The following RPS3 variants were observed in gnomAD, a reference collection of about 807,000 sequenced individuals.
The protein encoded by RPS3 is small ribosomal subunit protein uS3.
Under a neutral mutation model 25.8 loss-of-function variants are expected in RPS3, and 2 were observed. That is an observed-to-expected ratio of 0.08 (90% CI 0.03 to 0.24). The LOEUF (loss-of-function observed/expected upper bound fraction) is 0.24. Ranked by LOEUF, RPS3 falls within the 10% of genes least tolerant of loss-of-function variation. The pLI is 1.00. For synonymous variants in RPS3, 114 were observed against 114.2 expected (o/e 1.00, Z 0.01); for missense variants, 107 against 307.1 (o/e 0.35, Z 4.87).
chr11:75,417,553 C>T (rs1336687627), intron 6 of RPS3, among the ~76,000 whole-genome samples: 4 of 152,186 alleles, frequency 2.6e-5, no homozygotes, highest in African/African-American at 7.2e-5. Context: ...GCCGAGATCG[C>T]GCCACTGCAT....
chr11:75,414,595 A>T (rs1047181458), intron 6 of RPS3, among the ~76,000 whole-genome samples: 1 of 143,596 alleles, frequency 7.0e-6, no homozygotes, highest in South Asian at 2.3e-4. Flanking sequence ...TGGGCGACAG[A>T]GCGAGACTCT....
At chr11:75,410,131 T>C (rs1199903661), downstream of RPS3, among the ~76,000 whole-genome samples, 8 of 79,820 alleles carry the variant, frequency 1.0e-4, no homozygotes, top group Admixed American at 2.6e-4. Context: ...ACCCCACACC[T>C]CCCTCCCGGA....
chr11:75,403,888 ATTC>A (rs1948245970), intron 4 of RPS3, 129 bp from the exon 5 acceptor site: 1 of 771,306 alleles, frequency 1.3e-6, no homozygotes, highest in Non-Finnish European at 2.1e-6. Context: ...GAGAATTGGT[ATTC>A]TTGGGGCCGG....
chr11:75,407,710 G>A (rs1354308136), downstream of RPS3, among the ~76,000 whole-genome samples: 2 of 150,930 alleles, frequency 1.3e-5, no homozygotes, highest in East Asian at 2.0e-4. Context: ...CTCGTGATCC[G>A]CCTGCCTCGG....
At chr11:75,402,033 G>A (rs1948216605) in intron 3 of RPS3, 1 of 548,574 alleles carries the variant, frequency 1.8e-6, no homozygotes, top group African/African-American at 1.9e-5. Flanking sequence ...TGCATTGTGT[G>A]TAGGTGGTAG....
In RPS3 at chr11:75,399,684, G is replaced by C. The variant is rs866356929; in HGVS notation, c.30+107G>C. ...AGCTCCGTGGCCTGCCCTGGAAGCG[G>C]CCTAGGCTTCCTGGCGTTCCTGCGG... On this transcript the variant is annotated intron_variant, in intron 1 of 6. Transcript: ENST00000531188. The C allele has an allele frequency of 8.5e-5, 85 of 995,666 alleles. 2 individuals are homozygous for C. In the Middle Eastern group the frequency reaches 2.0e-3, roughly 23 times the overall value. The allele number at this position is 995,666 out of a possible 1,614,324, so 61.7% of individuals were successfully genotyped here.
downstream of RPS3, among the ~76,000 whole-genome samples, chr11:75,410,232 C>T (rs1432814562): frequency 1.3e-4 from 20 of 150,490 alleles, no homozygotes; most frequent in Admixed American, 4.6e-4. Flanking sequence ...ACTTCCCAGA[C>T]GGGGTGGCTG....
At chr11:75,413,952 G>A (rs1005514909) in intron 6 of RPS3, among the ~76,000 whole-genome samples, 2 of 152,156 alleles carry the variant, frequency 1.3e-5, no homozygotes, top group Non-Finnish European at 2.9e-5. Flanking sequence ...ATCAGGGAAC[G>A]CAGCCAAGGT....
At chr11:75,418,133 G>A (rs1948414245) in intron 6 of RPS3, among the ~76,000 whole-genome samples, 1 of 152,238 alleles carries the variant, frequency 6.6e-6, no homozygotes, top group Admixed American at 6.5e-5. Flanking sequence ...CACAGCTGAA[G>A]CTTTGGCTCT....
At chr11:75,400,865 A>C (rs775768605) in intron 2 of RPS3, 41 bp downstream of exon 2, 1 of 1,587,610 alleles carries the variant, frequency 6.3e-7, no homozygotes, top group South Asian at 1.1e-5. Flanking sequence ...AATTGTTATA[A>C]ATGCTAAGTT....
At chr11:75,414,244 G>A (rs1003224380) in intron 6 of RPS3, among the ~76,000 whole-genome samples, 58 of 152,186 alleles carry the variant, frequency 3.8e-4, no homozygotes, top group African/African-American at 1.4e-3. Flanking sequence ...AATTGTCCTT[G>A]GAACCCACTG....
downstream of RPS3, among the ~76,000 whole-genome samples, chr11:75,407,979 TAATG>T (rs1393728268): frequency 2.0e-5 from 3 of 152,180 alleles, no homozygotes; most frequent in African/African-American, 7.2e-5. Context: ...GAAAGAAACT[TAATG>T]AATTGTGACA....
Position 75,412,891 on chromosome 11 carries a change from C to T in RPS3, c.*3+8023C>T, listed in dbSNP as rs551691031. Among the ~76,000 whole-genome samples the T allele has an allele frequency of 1.8e-3, 271 of 152,248 alleles. 1 individual carries two copies. The highest frequency in any genetic ancestry group is 6.2e-3 in the African/African-American group (256 of 41,538). ...TCCCAGGCAAGTGATTCTTGTGCCT[C>T]AGCCTCAAGAGGTGGGACTGCAGGC... On this transcript the variant is annotated intron_variant, in intron 6 of 6. Coordinates refer to the RPS3 transcript ENST00000527446.
chr11:75,405,482 A>G, intron 6 of RPS3, 132 bp from the exon 7 acceptor site: 1 of 339,844 alleles, frequency 2.9e-6, no homozygotes, highest in Non-Finnish European at 5.7e-6. Flanking sequence ...TATATGAAAA[A>G]GGACAAACCC....
chr11:75,414,168 T>A (rs756998525), intron 6 of RPS3, among the ~76,000 whole-genome samples: 13 of 152,190 alleles, frequency 8.5e-5, no homozygotes, highest in Non-Finnish European at 1.3e-4. Context: ...CCCAGTGCCA[T>A]ACTCAATGCC....
chr11:75,402,219 C>A, intron 3 of RPS3, 133 bp from the exon 4 acceptor site: 2 of 1,352,948 alleles, frequency 1.5e-6, no homozygotes, highest in Non-Finnish European at 2.1e-6. Context: ...AAGCCATCTC[C>A]TGGGCAGCAT....
At chr11:75,411,746 G>A (rs1948358529), downstream of RPS3, among the ~76,000 whole-genome samples, 1 of 152,192 alleles carries the variant, frequency 6.6e-6, no homozygotes, top group Non-Finnish European at 1.5e-5. Context: ...TTGACCAAAT[G>A]GCATTACTCT....
intron 2 of RPS3, 40 bp from the exon 3 acceptor site, chr11:75,401,600 G>A (rs368987711): frequency 2.2e-5 from 28 of 1,298,138 alleles, no homozygotes; most frequent in Non-Finnish European, 3.0e-5. Flanking sequence ...GTTACATCTA[G>A]CATTTGTGAG....
At chr11:75,399,629 G>T in intron 1 of RPS3, 52 bp downstream of exon 1, 1 of 1,551,294 alleles carries the variant, frequency 6.4e-7, no homozygotes, top group Non-Finnish European at 8.9e-7. Context: ...GCGGGTCGAG[G>T]GCTTCTCGGG....
Sources: gnomAD v4.1 joint callset for allele counts (sites outside exome capture counted in the v4.1 genomes callset) on GRCh38, gnomAD v4.1.1 for gene constraint, MANE v1.5 for transcripts, NCBI Gene and HGNC (gene_info 2026-07-23, HGNC 2026-07-21) for gene names.